Variants in ANXA10 observed in about 807,000 individuals in gnomAD.
ANXA10 encodes annexin 14.
Under a neutral mutation model 53.5 loss-of-function variants are expected in ANXA10, and 49 were observed. The observed-to-expected ratio is 0.92, with a 90% CI of 0.73 to 1.16. ANXA10 has a LOEUF of 1.16. ANXA10 is among the 50% of genes most tolerant of loss of function. The probability of loss-of-function intolerance (pLI) is 0.00; values close to 1 mark genes in which losing one functional copy is unlikely to be tolerated. For synonymous variants in ANXA10, 131 were observed against 128.9 expected, an observed-to-expected ratio of 1.02 and a Z score of -0.11; for missense variants, 393 against 394.4, an observed-to-expected ratio of 1.00 and a Z score of 0.03.
chr4:168,156,763 A>G (rs1410338408), intron 3 of ANXA10, among the ~76,000 whole-genome samples: 2 of 151,828 alleles, frequency 1.3e-5, no homozygotes, highest in African/African-American at 4.8e-5. Context: ...TCGGCCTCCC[A>G]AAGTGCTGGG....
chr4:168,165,901 T>G (rs1053297587), intron 6 of ANXA10, among the ~76,000 whole-genome samples: 1 of 152,178 alleles, frequency 6.6e-6, no homozygotes, highest in Non-Finnish European at 1.5e-5. Context: ...GGTCTCAAAC[T>G]CCTGACTTCA....
intron 3 of ANXA10, among the ~76,000 whole-genome samples, chr4:168,151,018 G>T (rs1458761888): frequency 6.6e-6 from 1 of 152,142 alleles, no homozygotes; most frequent in African/African-American, 2.4e-5. Context: ...TCCCATCATT[G>T]CTAGGAACTC....
intron 1 of ANXA10, among the ~76,000 whole-genome samples, chr4:168,116,643 A>G (rs1054330964): frequency 1.3e-5 from 2 of 152,124 alleles, no homozygotes; most frequent in Non-Finnish European, 2.9e-5. Context: ...AATTTTTCAT[A>G]TTTTATTTAT....
At chr4:168,142,087 C>G (rs1731336995) in intron 3 of ANXA10, among the ~76,000 whole-genome samples, 1 of 152,132 alleles carries the variant, frequency 6.6e-6, no homozygotes, top group African/African-American at 2.4e-5. Flanking sequence ...TCACAGTTGA[C>G]TAATTGTCCA....
chr4:168,104,441 C>T (rs1331823176), intron 1 of ANXA10, among the ~76,000 whole-genome samples: 1 of 151,742 alleles, frequency 6.6e-6, no homozygotes, highest in Non-Finnish European at 1.5e-5. Context: ...CTTCTATTTT[C>T]TAGAAAAAAA....
intron 1 of ANXA10, among the ~76,000 whole-genome samples, chr4:168,094,468 A>T (rs1434028736): frequency 6.6e-6 from 1 of 152,138 alleles, no homozygotes; most frequent in Non-Finnish European, 1.5e-5. Flanking sequence ...TTTAGTGCTA[A>T]AAAGGCCAAT....
At chr4:168,143,037 T>C (rs1731350166) in intron 3 of ANXA10, among the ~76,000 whole-genome samples, 1 of 152,196 alleles carries the variant, frequency 6.6e-6, no homozygotes, top group Non-Finnish European at 1.5e-5. Context: ...TCTGCCTATT[T>C]ACTTTTTTTT....
chr4:168,165,320 G>T lies in ANXA10; in HGVS notation c.474G>T (p.Leu158Phe), dbSNP rs1425413262. 31 of 1,574,496 alleles carry T rather than the reference G, an allele frequency of 2.0e-5. No homozygotes were observed. The highest frequency in any genetic ancestry group is 2.3e-5 in the Non-Finnish European group (27 of 1,156,046). Reference protein sequence around the residue: ...SGHFRDTLMNLVQGTREEGYT... With the variant: ...SGHFRDTLMNFVQGTREEGYT... ...ACTTCAGAGATACTCTCATGAACTTGGTCCAGGTATGGCATTCCAAAATTT... is the reference window on the plus strand; with the variant it reads ...ACTTCAGAGATACTCTCATGAACTTTGTCCAGGTATGGCATTCCAAAATTT... Residue 158 changes from leucine (L) to phenylalanine (F), a missense_variant, in exon 6 of 12, where the codon TTG becomes TTT. By Grantham distance (22) the Leu-to-Phe change is conservative. Transcript: ENST00000359299.
intron 1 of ANXA10, among the ~76,000 whole-genome samples, chr4:168,114,203 T>G (rs768850196): frequency 2.8e-4 from 42 of 152,190 alleles, no homozygotes; most frequent in Non-Finnish European, 4.4e-4. Flanking sequence ...CCTACATTTG[T>G]TTATGTTTTA....
chr4:168,177,956 A>G lies in ANXA10; in HGVS notation c.601A>G (p.Asn201Asp). 1 of 1,613,788 alleles carries G rather than the reference A, an allele frequency of 6.2e-7. No individual in the cohort carries two copies. Among genetic ancestry groups the G allele is most frequent in the Non-Finnish European group, 8.5e-7 (1 of 1,180,010 alleles). ...AACCATGCTGCAAATGATCCTGTGC[A>G]ACAAGAGCTACCAGCAGCTGCGGCT... ...HKTMLQMILC[N>D]KSYQQLRLVF... Residue 201 changes from asparagine to aspartate, a missense_variant, in exon 8 of 12, where the codon AAC becomes GAC. By Grantham distance (23) the Asn-to-Asp change is conservative. Coordinates refer to ENST00000359299, the MANE Select transcript of ANXA10 (RefSeq NM_007193.5).
At chr4:168,107,359 T>C (rs1298814118) in intron 1 of ANXA10, among the ~76,000 whole-genome samples, 1 of 152,184 alleles carries the variant, frequency 6.6e-6, no homozygotes, top group Non-Finnish European at 1.5e-5. Context: ...CTAATTTCAC[T>C]TTCCAATTAT....
intron 6 of ANXA10, among the ~76,000 whole-genome samples, chr4:168,171,451 T>C (rs965959286): frequency 2.0e-5 from 3 of 152,182 alleles, no homozygotes; most frequent in African/African-American, 7.2e-5. Flanking sequence ...GCATCTTCAC[T>C]TTTAGAATCA....
At chr4:168,184,122 A>T (rs1732318351) in intron 10 of ANXA10, among the ~76,000 whole-genome samples, 1 of 152,260 alleles carries the variant, frequency 6.6e-6, no homozygotes, top group South Asian at 2.1e-4. Context: ...ATCAATGTCC[A>T]TCTGACAGAG....
Position 168,155,204 on chromosome 4 carries a change from A to T in ANXA10, c.196-7324A>T, listed in dbSNP as rs186853089. On this transcript the variant is annotated intron_variant, in intron 3 of 11. Coordinates refer to ENST00000359299, the MANE Select transcript of ANXA10 (RefSeq NM_007193.5). The stretch of plus-strand genomic sequence containing the variant: ...AGCTCACCTCACAACTACGCTTTCC[A>T]CGAACCTTCATTTTATGAATAATAT... Among the ~76,000 whole-genome samples, 373 of 150,192 alleles carry T rather than the reference A, an allele frequency of 2.5e-3. 1 individual carries two copies. Among genetic ancestry groups the T allele is most frequent in the African/African-American group, 8.2e-3 (334 of 40,798 alleles).
chr4:168,154,750 T>G (rs1731572097), intron 3 of ANXA10, among the ~76,000 whole-genome samples: 1 of 152,188 alleles, frequency 6.6e-6, no homozygotes, highest in South Asian at 2.1e-4. Context: ...AGTGGCTTCC[T>G]ATGGTGCTAG....
intron 6 of ANXA10, among the ~76,000 whole-genome samples, chr4:168,174,043 C>T (rs1394118318): frequency 6.6e-6 from 1 of 152,128 alleles, no homozygotes; most frequent in Non-Finnish European, 1.5e-5. Flanking sequence ...TTGGGTCTCC[C>T]TCTTTGCTGA....
chr4:168,135,599 A>C (rs1396792270), intron 2 of ANXA10, among the ~76,000 whole-genome samples: 1 of 152,182 alleles, frequency 6.6e-6, no homozygotes, highest in East Asian at 1.9e-4. Flanking sequence ...TTGTGCACTA[A>C]ACCAATCTAT....
chr4:168,171,229 G>A (rs1218364903), intron 6 of ANXA10, among the ~76,000 whole-genome samples: 2 of 152,138 alleles, frequency 1.3e-5, no homozygotes. Flanking sequence ...TTTGGAGCTG[G>A]TGAGTTCCTA....
chr4:168,185,310 C>T (rs1281852395), intron 11 of ANXA10, among the ~76,000 whole-genome samples: 1 of 152,140 alleles, frequency 6.6e-6, no homozygotes, highest in African/African-American at 2.4e-5. Context: ...TATGATCAGG[C>T]TCAGGAAAAA....
Sources: gnomAD v4.1 joint callset for allele counts (sites outside exome capture counted in the v4.1 genomes callset) on GRCh38, gnomAD v4.1.1 for gene constraint, MANE v1.5 for transcripts, NCBI Gene and HGNC (gene_info 2026-07-23, HGNC 2026-07-21) for gene names.